The following GLIS3 variants were observed in gnomAD, a reference collection of about 807,000 sequenced individuals.
GLIS3 encodes the protein GLIS family zinc finger 3.
A neutral mutation model predicts 78.6 loss-of-function variants in GLIS3; 53 were observed. The ratio of observed to expected loss-of-function variants is 0.67; its 90% CI spans 0.54 to 0.85. The LOEUF (loss-of-function observed/expected upper bound fraction) is 0.85. Ranked by LOEUF, GLIS3 falls within the 40% of genes least tolerant of loss-of-function variation. The probability of loss-of-function intolerance (pLI) is 0.00; values close to 1 mark genes in which losing one functional copy is unlikely to be tolerated. For missense variants in GLIS3, 1,703 were observed against 1,231.1 expected (o/e 1.38, Z -5.74); for synonymous variants, 684 against 509.9 (o/e 1.34, Z -4.60).
chr9:4,468,953 A>G, the GLIS3 span, among the ~76,000 whole-genome samples: 1 of 152,214 alleles, frequency 6.6e-6, no homozygotes, highest in African/African-American at 2.4e-5. Context: ...TCTACCAAGC[A>G]AATGGAAAGC....
rs569843135 is a variant in GLIS3 at position 4,233,074 on chromosome 9, T to C, written c.388+52964A>G. Among the ~76,000 whole-genome samples, 3 of 152,302 alleles carry C rather than the reference T, an allele frequency of 2.0e-5. No homozygotes were observed. In the East Asian group the frequency reaches 5.8e-4, roughly 29 times the overall value. On this transcript the variant is annotated intron_variant, in intron 2 of 10. Transcript: ENST00000381971. ...AAGGAGGATGAGCTCTAATGGCCAA[T>C]TACATAATTTTGATACCAACGATAC...
chr9:4,192,420 T>C (rs1341377574), intron 2 of GLIS3, among the ~76,000 whole-genome samples: 7 of 152,270 alleles, frequency 4.6e-5, no homozygotes, highest in Admixed American at 4.6e-4. Flanking sequence ...GTTTAGTTTA[T>C]AACATCTTTA....
rs150656140 is a variant in GLIS3, at chr9:4,025,942, G to T, written c.1711-88753C>A. ...AGAAATAATAGAGAAAGAGACCTGG[G>T]TTATTCTGTATTATAATTAGGACAA... On this transcript the variant is annotated intron_variant, in intron 4 of 10. Transcript: ENST00000381971. Among the ~76,000 whole-genome samples, 766 of 152,168 alleles carry T rather than the reference G, an allele frequency of 5.0e-3. 1 individual carries two copies. The highest frequency in any genetic ancestry group is 0.02 in the Middle Eastern group (6 of 294).
rs116378867 is a variant in GLIS3, at chr9:3,857,936, T to C, written c.2298-1752A>G. ...GAGGTTGTGGGAGAGCGATGAGCAA[T>C]TGTGAGATCATAGACTTTAGGGGCA... On this transcript the variant is annotated intron_variant, in intron 8 of 10. Transcript: ENST00000381971. 3.6e-3 allele frequency among the ~76,000 whole-genome samples: 543 copies of C among 152,238 alleles called. 8 individuals are homozygous for C. The highest frequency in any genetic ancestry group is 0.013 in the African/African-American group (520 of 41,550).
intron 2 of GLIS3, among the ~76,000 whole-genome samples, chr9:4,201,261 G>A (rs895402069): frequency 6.6e-6 from 1 of 152,172 alleles, no homozygotes; most frequent in African/African-American, 2.4e-5. Flanking sequence ...GCATTCCCTT[G>A]AAAACTGGAA....
At chr9:4,336,451 TGCTA>T (rs1817758840) in intron 2 of GLIS3, among the ~76,000 whole-genome samples, 2 of 152,164 alleles carry the variant, frequency 1.3e-5, no homozygotes, top group African/African-American at 4.8e-5. Context: ...TTAGGATCAT[TGCTA>T]CAGTTTCTGG....
At chr9:3,990,002 A>G (rs184418004) in intron 4 of GLIS3, among the ~76,000 whole-genome samples, 2 of 152,362 alleles carry the variant, frequency 1.3e-5, no homozygotes, top group Non-Finnish European at 2.9e-5. Context: ...GATAAAGTGT[A>G]CAAGGGCTCT....
intron 6 of GLIS3, among the ~76,000 whole-genome samples, chr9:3,917,223 G>A (rs142432235): frequency 2.0e-4 from 30 of 152,264 alleles, no homozygotes; most frequent in Non-Finnish European, 4.0e-4. Context: ...TCATTGCTTT[G>A]TACCCAAGTT....
At chr9:4,097,300 G>A (rs1830029820) in intron 4 of GLIS3, among the ~76,000 whole-genome samples, 2 of 152,038 alleles carry the variant, frequency 1.3e-5, no homozygotes, top group Admixed American at 1.3e-4. Flanking sequence ...AAAAGTATGA[G>A]TGAGTCTCTG....
intron 2 of GLIS3, among the ~76,000 whole-genome samples, chr9:4,236,072 T>C (rs945545972): frequency 1.3e-5 from 2 of 151,336 alleles, no homozygotes; most frequent in African/African-American, 4.9e-5. Flanking sequence ...CAAGCCTTTG[T>C]TGACAACTGG....
At chr9:3,875,981 T>A (rs1821282881) in intron 8 of GLIS3, among the ~76,000 whole-genome samples, 1 of 152,228 alleles carries the variant, frequency 6.6e-6, no homozygotes, top group African/African-American at 2.4e-5. Context: ...GCTGCCTGTC[T>A]TTATTTTAGT....
intron 4 of GLIS3, among the ~76,000 whole-genome samples, chr9:4,024,779 C>A (rs530348695): frequency 6.6e-6 from 1 of 152,246 alleles, no homozygotes; most frequent in African/African-American, 2.4e-5. Context: ...CAATCTTTCC[C>A]AACTTCACCG....
At position 3,824,885 on chromosome 9, in the gene GLIS3, C is replaced by T. The variant is rs1588032397; in HGVS notation, c.*3387G>A. The T allele has an allele frequency of 7.2e-6, 1 of 139,072 alleles. No individual in the cohort carries two copies. The allele number at this position is 139,072 out of a possible 1,614,324, so 8.6% of individuals were successfully genotyped here. Reference sequence around the variant, plus strand: ...TCTCTTTTTACACTCACTATTTCTCCAATGAGTGCTTTTTTTTTTTTGCTT... The same window carrying T: ...TCTCTTTTTACACTCACTATTTCTCTAATGAGTGCTTTTTTTTTTTTGCTT... On this transcript the variant is annotated 3_prime_UTR_variant, in exon 11 of 11. Transcript: ENST00000381971.
intron 2 of GLIS3, among the ~76,000 whole-genome samples, chr9:4,318,161 G>A (rs922330219): frequency 6.6e-5 from 10 of 152,102 alleles, no homozygotes; most frequent in East Asian, 1.9e-4. Flanking sequence ...GTCTTGCTGC[G>A]GGAGAAGTGG....
At chr9:4,061,926 T>G (rs535167902) in intron 4 of GLIS3, among the ~76,000 whole-genome samples, 25 of 152,214 alleles carry the variant, frequency 1.6e-4, no homozygotes, top group Non-Finnish European at 3.4e-4. Context: ...GCCTAGGAGA[T>G]CTGAGCTTCT....
At position 4,093,479 on chromosome 9, in the gene GLIS3, GA is replaced by G. The variant is rs1170495528; in HGVS notation, c.1710+24288del. On this transcript the variant is annotated intron_variant, in intron 4 of 10. Transcript: ENST00000381971. ...GGCAGGGGCTATTCAGCCAAAGCCTGAACAGAAGGGTGGCCTGAAGGCTTAA... is the reference window on the plus strand; with the variant it reads ...GGCAGGGGCTATTCAGCCAAAGCCTGACAGAAGGGTGGCCTGAAGGCTTAA... Among the ~76,000 whole-genome samples, 4 of 152,180 alleles carry G rather than the reference GA, an allele frequency of 2.6e-5. No individual in the cohort carries two copies. The East Asian group carries it at 7.7e-4, about 29-fold the overall frequency.
chr9:3,848,710 C>G lies in GLIS3; in HGVS notation c.2473+7299G>C, dbSNP rs191350692. ...TCGCTGCCATTTAAATATCAATGCT[C>G]TGATATTTCTACAGTTTGAAAGATG... On this transcript the variant is annotated intron_variant, in intron 9 of 10. Coordinates refer to ENST00000381971, the MANE Select transcript of GLIS3 (RefSeq NM_001042413.2). Among the ~76,000 whole-genome samples, 8 of 152,280 alleles carry G rather than the reference C, an allele frequency of 5.3e-5. No individual in the cohort carries two copies. The South Asian group carries it at 1.5e-3, about 28-fold the overall frequency.
chr9:3,873,016 A>T (rs1281080930), intron 8 of GLIS3, among the ~76,000 whole-genome samples: 1 of 152,182 alleles, frequency 6.6e-6, no homozygotes, highest in Non-Finnish European at 1.5e-5. Context: ...ATTGATAGAC[A>T]ATCTACCAAG....
At chr9:4,059,823 T>TGAGAGAGAGA (rs1323533281) in intron 4 of GLIS3, among the ~76,000 whole-genome samples, 5 of 123,968 alleles carry the variant, frequency 4.0e-5, no homozygotes, top group African/African-American at 1.3e-4. Flanking sequence ...TGTGTGTGTG[T>TGAGAGAGAGA]GTGTGTGAGA....
Sources: gnomAD v4.1 joint callset for allele counts (sites outside exome capture counted in the v4.1 genomes callset) on GRCh38, gnomAD v4.1.1 for gene constraint, MANE v1.5 for transcripts, NCBI Gene and HGNC (gene_info 2026-07-23, HGNC 2026-07-21) for gene names.